GP2: variants seen among roughly 807,000 people sequenced by gnomAD.
GP2 encodes pancreatic secretory granule membrane major glycoprotein GP2.
In GP2, 58 loss-of-function variants were observed where a neutral mutation model predicts 60.8. The ratio of observed to expected loss-of-function variants is 0.95; its 90% CI spans 0.77 to 1.19. The LOEUF (loss-of-function observed/expected upper bound fraction) is 1.19, where lower values mean the gene tolerates loss of function less well. Among genes scored for constraint, GP2 ranks in the 50% most tolerant of loss-of-function variants. The pLI is 0.00. For missense variants in GP2, 647 were observed against 667.4 expected, an observed-to-expected ratio of 0.97 and a Z score of 0.34; for synonymous variants, 280 against 253.4, an observed-to-expected ratio of 1.10 and a Z score of -1.00.
At chr16:20,316,096 A>G (rs1308724929) in intron 8 of GP2, 56 bp from the exon 9 acceptor site, 6 of 1,133,194 alleles carry the variant, frequency 5.3e-6, no homozygotes, top group Non-Finnish European at 8.1e-6. Context: ...GATTCTATCT[A>G]GACTGCTCCT....
intron 8 of GP2, among the ~76,000 whole-genome samples, chr16:20,316,455 C>A (rs985365158): frequency 4.6e-5 from 7 of 152,190 alleles, no homozygotes; most frequent in African/African-American, 7.2e-5. Flanking sequence ...CTGGGGCACA[C>A]CCTGGCTCTG....
rs1567286487 is a variant in GP2, at chr16:20,316,006, G to A, written c.1451C>T (p.Pro484Leu). 10 of 1,612,960 alleles carry A rather than the reference G, an allele frequency of 6.2e-6. No individual in the cohort carries two copies. Among genetic ancestry groups the A allele is most frequent in the Middle Eastern group, 1.6e-4 (1 of 6,080 alleles). Residue 484 changes from proline to leucine, a missense_variant, in exon 9 of 11, where the codon CCG becomes CTG. Physicochemically the swap from Pro to Leu is moderately conservative, Grantham distance 98 (BLOSUM62 -3). Coordinates refer to ENST00000302555, the MANE Select transcript of GP2 (RefSeq NM_001502.4). The part of the protein sequence containing the change: ...CSRSQVRSEV[P>L]AIDLARVLDL... ...TAGAACCCGGGCTAGGTCGATGGCC[G>A]GTACTTCACTGCGGACTTGACTTCT...
chr16:20,311,969 C>T (rs951009110), intron 10 of GP2, among the ~76,000 whole-genome samples: 1 of 152,248 alleles, frequency 6.6e-6, no homozygotes, highest in Admixed American at 6.5e-5. Context: ...TATTAAACCT[C>T]TCTGCCTGTA....
Position 20,319,859 on chromosome 16 carries a change from G to T in GP2, c.859-91C>A, listed in dbSNP as rs369443130. 3.5e-5 allele frequency: 36 copies of T among 1,022,850 alleles called. No homozygotes were observed. The Admixed American group carries it at 4.9e-4, about 14-fold the overall frequency. 63.4% of individuals were successfully genotyped at this position (1,022,850 alleles called of 1,614,324 possible). On this transcript the variant is annotated intron_variant, in intron 5 of 10. Transcript: ENST00000302555. ...CAGATCTGATTTCCAGAGTCAATTT[G>T]CTTAACCATGCAGCCACCCTACCTT...
Position 20,316,025 on chromosome 16 carries a change from G to C in GP2, c.1432C>G (p.Gln478Glu). Residue 478 changes from glutamine to glutamate, a missense_variant, in exon 9 of 11, where the codon CAA becomes GAA. Physicochemically the swap from Gln to Glu is conservative, Grantham distance 29. Transcript: ENST00000302555. ...ATGGCCGGTACTTCACTGCGGACTTGACTTCTTGAGCAAGACTGTAGGGAT... is the reference window on the plus strand; with the variant it reads ...ATGGCCGGTACTTCACTGCGGACTTCACTTCTTGAGCAAGACTGTAGGGAT... ...EQCQPSCSRS[Q>E]VRSEVPAIDL... 1 of 1,610,690 alleles carries C rather than the reference G, an allele frequency of 6.2e-7. No homozygotes were observed. Among genetic ancestry groups the C allele is most frequent in the Non-Finnish European group, 8.5e-7 (1 of 1,176,916 alleles).
At chr16:20,327,228 T>C (rs955330627) in intron 1 of GP2, 31 of 327,638 alleles carry the variant, frequency 9.5e-5, no homozygotes, top group African/African-American at 6.4e-4. Context: ...CCTAGTTCCC[T>C]GGTGGGAATA....
chr16:20,311,256 G>A lies in GP2; in HGVS notation c.1572C>T (p.Val524=), dbSNP rs1339449413. The change falls in exon 11 of 11, where the codon GTC becomes GTT. Residue 524 remains valine, a synonymous_variant. Transcript: ENST00000302555. ...TAGFLVAWPM[V]LLTVLLAWLF The stretch of plus-strand genomic sequence containing the variant: ...GCCAAGCCAGGAGGACAGTCAGGAG[G>A]ACCATAGGCCAGGCCACCAGGAACC... 1.9e-6 allele frequency: 3 copies of A among 1,609,442 alleles called. No homozygotes were observed. Among genetic ancestry groups the A allele is most frequent in the East Asian group, 2.2e-5 (1 of 44,850 alleles).
At chr16:20,316,483 G>T (rs1426400816) in intron 8 of GP2, among the ~76,000 whole-genome samples, 1 of 152,224 alleles carries the variant, frequency 6.6e-6, no homozygotes, top group African/African-American at 2.4e-5. Context: ...CTAATTGTGT[G>T]TGGCCCTGTG....
intron 2 of GP2, among the ~76,000 whole-genome samples, chr16:20,325,186 T>C (rs1415050378): frequency 2.0e-5 from 3 of 152,236 alleles, no homozygotes; most frequent in African/African-American, 7.2e-5. Flanking sequence ...CTGGGTGACC[T>C]TGGCAGGTGA....
At chr16:20,326,804 TG>T in intron 1 of GP2, 1 of 207,876 alleles carries the variant, frequency 4.8e-6, no homozygotes, top group Non-Finnish European at 9.8e-6. Flanking sequence ...TTTTATGCAT[TG>T]GGTGCTGCTA....
chr16:20,319,087 A>G (rs184458507), intron 6 of GP2, among the ~76,000 whole-genome samples: 26 of 152,156 alleles, frequency 1.7e-4, no homozygotes, highest in African/African-American at 5.8e-4. Flanking sequence ...ATCTGATGCT[A>G]TTTCTGCTGG....
intron 1 of GP2, 190 bp downstream of exon 1, chr16:20,327,277 G>A (rs941920597): frequency 5.7e-6 from 2 of 351,422 alleles, no homozygotes; most frequent in South Asian, 2.3e-5. Context: ...TAGGCCTGGA[G>A]CATCGCAGAT....
chr16:20,322,789 C>A (rs1459283822), intron 4 of GP2, 80 bp downstream of exon 4: 2 of 774,354 alleles, frequency 2.6e-6, no homozygotes, highest in Non-Finnish European at 4.6e-6. Flanking sequence ...TGCTTTATAC[C>A]TTATCTTGAC....
intron 5 of GP2, among the ~76,000 whole-genome samples, 177 bp from the exon 6 acceptor site, chr16:20,319,945 C>T (rs1416738547): frequency 2.0e-5 from 3 of 152,030 alleles, no homozygotes; most frequent in Non-Finnish European, 2.9e-5. Context: ...TATGGGAAGG[C>T]GAATGAGGAA....
In GP2 at chr16:20,318,280, C is replaced by A; in HGVS notation, c.1158G>T (p.Gly386=). 1 of 1,612,782 alleles carries A rather than the reference C, an allele frequency of 6.2e-7. No individual in the cohort carries two copies. The highest frequency in any genetic ancestry group is 8.5e-7 in the Non-Finnish European group (1 of 1,178,762). The change falls in exon 7 of 11, where the codon GGG becomes GGT. Residue 386 remains glycine (G), a synonymous_variant. Transcript: ENST00000302555. ...VLYVGAILEQ[G]DTSRFNLVLR... Reference sequence around the variant, plus strand: ...ACACCAGGTTAAACCGGGAGGTGTCCCCTTGTTCCAAGATGGCACCCACAT... The same window carrying A: ...ACACCAGGTTAAACCGGGAGGTGTCACCTTGTTCCAAGATGGCACCCACAT...
In GP2 at chr16:20,310,513, A is replaced by G. The variant is rs369968164; in HGVS notation, c.*710T>C. ...GTGAACACAAGGGTCAGTTTCTTCA[A>G]TTCATGAGCAGTCAGAACAGGAGAT... On this transcript the variant is annotated 3_prime_UTR_variant, in exon 11 of 11. Transcript: ENST00000302555. 3.3e-4 allele frequency: 51 copies of G among 152,318 alleles called. No homozygotes were observed. The highest frequency in any genetic ancestry group is 1.2e-3 in the African/African-American group (48 of 41,562). The allele number at this position is 152,318 out of a possible 1,614,324, so 9.4% of individuals were successfully genotyped here. A position where few individuals can be genotyped will look rare whatever the true frequency, so the allele number is the denominator to read the frequency against.
chr16:20,327,326 T>C, intron 1 of GP2, 141 bp downstream of exon 1: 1 of 426,510 alleles, frequency 2.3e-6, no homozygotes, highest in Non-Finnish European at 4.1e-6. Flanking sequence ...GAGTGGTACC[T>C]GGAGCACTTG....
chr16:20,324,376 G>A (rs993537020), intron 2 of GP2, 120 bp from the exon 3 acceptor site: 56 of 625,560 alleles, frequency 9.0e-5, no homozygotes, highest in African/African-American at 1.3e-4. Context: ...ATACACACAC[G>A]GTCCATTAAT....
intron 5 of GP2, 35 bp from the exon 6 acceptor site, chr16:20,319,803 T>C: frequency 2.0e-6 from 3 of 1,513,740 alleles, no homozygotes; most frequent in Non-Finnish European, 2.7e-6. Context: ...CAGATGTTTA[T>C]GTGTATGTGT....
Sources: gnomAD v4.1 joint callset for allele counts (sites outside exome capture counted in the v4.1 genomes callset) on GRCh38, gnomAD v4.1.1 for gene constraint, MANE v1.5 for transcripts, NCBI Gene and HGNC (gene_info 2026-07-23, HGNC 2026-07-21) for gene names.